ASAP2: variants seen among roughly 807,000 people sequenced by gnomAD.
ASAP2 encodes the protein ArfGAP with SH3 domain, ankyrin repeat and PH domain 2, also known as arf-GAP with SH3 domain, ANK repeat and PH domain-containing protein 2.
Under a neutral mutation model 131.4 loss-of-function variants are expected in ASAP2, and 45 were observed. The observed-to-expected ratio is 0.34, with a 90% CI of 0.27 to 0.44. The LOEUF (loss-of-function observed/expected upper bound fraction) is 0.44, where lower values mean the gene tolerates loss of function less well. Ranked by LOEUF, ASAP2 falls within the 20% of genes least tolerant of loss-of-function variation. The probability of loss-of-function intolerance (pLI) is 1.00; values close to 1 mark genes in which losing one functional copy is unlikely to be tolerated. For missense variants in ASAP2, 1,011 were observed against 1,297.0 expected, an observed-to-expected ratio of 0.78 and a Z score of 3.39; for synonymous variants, 510 against 503.0, an observed-to-expected ratio of 1.01 and a Z score of -0.19.
In ASAP2 at chr2:9,374,766, A is replaced by G; in HGVS notation, c.1568A>G (p.Lys523Arg). Residue 523 changes from lysine to arginine, a missense_variant, in exon 17 of 28, where the codon AAG (lysine) becomes AGG (arginine). Coordinates refer to ENST00000281419, the MANE Select transcript of ASAP2 (RefSeq NM_003887.3). ...ACGTTTGGTTTCAGGAATGCAAGAA[A>G]GGACTACATCACAGCCAAGTACATC... ...PNPGSDMNAR[K>R]DYITAKYIER... The G allele has an allele frequency of 6.3e-7, 1 of 1,595,404 alleles. No homozygotes were observed. The highest frequency in any genetic ancestry group is 8.5e-7 in the Non-Finnish European group (1 of 1,172,444).
In ASAP2 at chr2:9,207,371, C is replaced by T; in HGVS notation, c.126+141C>T. On this transcript the variant is annotated intron_variant, in intron 1 of 27. Transcript: ENST00000281419. The surrounding 1 kb of genome is among the most constrained non-coding windows in gnomAD (Gnocchi z 4.1). The stretch of plus-strand genomic sequence containing the variant: ...GGGCCAACCCTGCCCGAGACAGAAG[C>T]CCTTTGTTCCCGCCTAGGTGGCTCG... 3 of 1,217,070 alleles carry T rather than the reference C, an allele frequency of 2.5e-6. No homozygotes were observed. The highest frequency in any genetic ancestry group is 3.2e-5 in the Admixed American group (1 of 31,690). The allele number at this position is 1,217,070 out of a possible 1,614,324, so 75.4% of individuals were successfully genotyped here. A position where few individuals can be genotyped will look rare whatever the true frequency, so the allele number is the denominator to read the frequency against.
intron 2 of ASAP2, among the ~76,000 whole-genome samples, chr2:9,294,905 C>T (rs1245127753): frequency 6.6e-6 from 1 of 152,208 alleles, no homozygotes; most frequent in Non-Finnish European, 1.5e-5. Flanking sequence ...AGGTTGCGTT[C>T]CTGTTTCTGT....
rs200451277 is a variant in ASAP2 at position 9,316,162 on chromosome 2, C to CA, written c.346-2352dup. The stretch of plus-strand genomic sequence containing the variant: ...AGTGAAACCCTGTCTACAAAAACTA[C>CA]AAAAAAAAAATTAGCCAAGCATGTT... On this transcript the variant is annotated intron_variant, in intron 3 of 27. Coordinates refer to ENST00000281419, the MANE Select transcript of ASAP2 (RefSeq NM_003887.3). 4.9e-3 allele frequency among the ~76,000 whole-genome samples: 731 copies of CA among 148,590 alleles called. 4 individuals carry two copies. Among genetic ancestry groups the CA allele is most frequent in the African/African-American group, 0.011 (434 of 40,620 alleles).
At chr2:9,344,680 C>T (rs942200201) in intron 10 of ASAP2, 45 bp downstream of exon 10, 11 of 1,612,448 alleles carry the variant, frequency 6.8e-6, no homozygotes, top group South Asian at 1.1e-5. Context: ...CGTTCGTTAT[C>T]TTGTGTCCAA....
rs1675800403 is a variant in ASAP2 at position 9,392,440 on chromosome 2, G to A, written c.2519-1042G>A. 6.6e-6 allele frequency among the ~76,000 whole-genome samples: 1 copy of A among 152,082 alleles called. No individual in the cohort carries two copies. The highest frequency in any genetic ancestry group is 1.5e-5 in the Non-Finnish European group (1 of 68,006). On this transcript the variant is annotated intron_variant, in intron 23 of 27. Transcript: ENST00000281419. The surrounding 1 kb of genome is among the most constrained non-coding windows in gnomAD (Gnocchi z 4.0). ...GTAAGTTAAAATTAAAAGCAGCCCAGCCCCAGCTAGAGTCAGTGCCATGTG... is the reference window on the plus strand; with the variant it reads ...GTAAGTTAAAATTAAAAGCAGCCCAACCCCAGCTAGAGTCAGTGCCATGTG...
chr2:9,312,474 C>T (rs2148466104), intron 3 of ASAP2, among the ~76,000 whole-genome samples: 1 of 152,310 alleles, frequency 6.6e-6, no homozygotes, highest in East Asian at 1.9e-4. Flanking sequence ...CTGCCCCCAC[C>T]TCACGATGCC....
intron 17 of ASAP2, among the ~76,000 whole-genome samples, chr2:9,376,156 C>T (rs537608549): frequency 6.6e-6 from 1 of 152,394 alleles, no homozygotes; most frequent in African/African-American, 2.4e-5. Context: ...TGGTCCCACT[C>T]TCTCCCCATC....
At chr2:9,245,844 A>C (rs921266952) in intron 1 of ASAP2, among the ~76,000 whole-genome samples, 3 of 152,224 alleles carry the variant, frequency 2.0e-5, no homozygotes, top group African/African-American at 7.2e-5. Context: ...CCAGATCCCC[A>C]GTGCCCAGAG....
chr2:9,330,147 T>C (rs1418288335), intron 7 of ASAP2, among the ~76,000 whole-genome samples: 2 of 152,224 alleles, frequency 1.3e-5, no homozygotes, highest in Admixed American at 6.5e-5. Flanking sequence ...TTGATGATGT[T>C]GCATTTCTAA....
At chr2:9,213,355 C>T (rs976054423) in intron 1 of ASAP2, among the ~76,000 whole-genome samples, 28 of 152,148 alleles carry the variant, frequency 1.8e-4, no homozygotes, top group Non-Finnish European at 2.5e-4. Flanking sequence ...GGATGAGAGA[C>T]GGGCAGAGGG....
intron 1 of ASAP2, among the ~76,000 whole-genome samples, chr2:9,272,421 T>G (rs114001078): frequency 0.018 from 2,789 of 151,402 alleles, 44 homozygotes; most frequent in Non-Finnish European, 0.028. Context: ...TTTTTTCCTA[T>G]AGAGTTGTTT....
chr2:9,402,466 C>T (rs1383302380), intron 27 of ASAP2, among the ~76,000 whole-genome samples: 1 of 152,130 alleles, frequency 6.6e-6, no homozygotes, highest in African/African-American at 2.4e-5. Context: ...ACTAAAAATA[C>T]AAAAAATTAG....
In ASAP2 at chr2:9,268,906, G is replaced by A. The variant is rs532080871; in HGVS notation, c.127-10411G>A. 3.3e-5 allele frequency among the ~76,000 whole-genome samples: 5 copies of A among 152,288 alleles called. No individual in the cohort carries two copies. Among genetic ancestry groups the A allele is most frequent in the African/African-American group, 9.6e-5 (4 of 41,568 alleles). On this transcript the variant is annotated intron_variant, in intron 1 of 27. Transcript: ENST00000281419. This position sits in a 1 kb window ranked among gnomAD's most constrained non-coding sequence, Gnocchi z 4.1. ...AGCCTCTTCCCACCCCTGCTGGTTCGCATTGAGAACTCAGGGTGCTGGGGA... is the reference window on the plus strand; with the variant it reads ...AGCCTCTTCCCACCCCTGCTGGTTCACATTGAGAACTCAGGGTGCTGGGGA...
intron 1 of ASAP2, among the ~76,000 whole-genome samples, chr2:9,272,841 T>A (rs1666494009): frequency 6.6e-6 from 1 of 152,204 alleles, no homozygotes; most frequent in South Asian, 2.1e-4. Context: ...CTTGGCACAT[T>A]TGTAAAAAAT....
At chr2:9,239,346 C>T (rs574537527) in intron 1 of ASAP2, among the ~76,000 whole-genome samples, 3 of 152,304 alleles carry the variant, frequency 2.0e-5, no homozygotes, top group African/African-American at 7.2e-5. Flanking sequence ...CAGTTATTGA[C>T]AGCAGCTAGG....
chr2:9,263,559 C>G (rs189389824), intron 1 of ASAP2, among the ~76,000 whole-genome samples: 3 of 152,214 alleles, frequency 2.0e-5, no homozygotes, highest in Non-Finnish European at 4.4e-5. Context: ...CATCTGTTTC[C>G]GTTTCTCTAA....
chr2:9,216,932 T>G (rs1662093375), intron 1 of ASAP2, among the ~76,000 whole-genome samples: 1 of 152,152 alleles, frequency 6.6e-6, no homozygotes, highest in Non-Finnish European at 1.5e-5. Flanking sequence ...TATGGGGCAC[T>G]TATTATGTGC....
chr2:9,250,943 T>C (rs938215408), intron 1 of ASAP2, among the ~76,000 whole-genome samples: 1 of 152,066 alleles, frequency 6.6e-6, no homozygotes, highest in Admixed American at 6.5e-5. Flanking sequence ...AAACGAGGCG[T>C]GGTGAAAGTC....
At chr2:9,348,142 T>TTTG (rs1222804886) in intron 11 of ASAP2, among the ~76,000 whole-genome samples, 75 of 151,164 alleles carry the variant, frequency 5.0e-4, no homozygotes, top group Non-Finnish European at 7.8e-4. Context: ...TTGTTTGTTT[T>TTTG]TTTCTTTTTG....
Sources: allele counts gnomAD v4.1 joint callset (sites outside exome capture counted in the v4.1 genomes callset), GRCh38; gene constraint gnomAD v4.1.1; non-coding constraint Gnocchi (gnomAD v3.1); transcripts MANE v1.5; gene names NCBI Gene and HGNC (gene_info 2026-07-23, HGNC 2026-07-21).